The following ACP6 variants were observed in gnomAD, a reference collection of about 807,000 sequenced individuals.
ACP6 encodes acid phosphatase 6, lysophosphatidic, also known as lysophosphatidic acid phosphatase type 6.
A neutral mutation model predicts 48.1 loss-of-function variants in ACP6; 48 were observed. The observed-to-expected ratio is 1.00, with a 90% confidence interval of 0.79 to 1.27. The LOEUF (loss-of-function observed/expected upper bound fraction) is 1.27, where lower values mean the gene tolerates loss of function less well. ACP6 is among the 50% of genes most tolerant of loss of function. ACP6 has a pLI of 0.00. For synonymous variants in ACP6, 172 were observed against 204.2 expected (o/e 0.84, Z 1.34); for missense variants, 485 against 529.1 (o/e 0.92, Z 0.82).
chr1:147,648,344 C>A lies in ACP6; in HGVS notation c.1045G>T (p.Asp349Tyr). 1.9e-6 allele frequency: 3 copies of A among 1,614,076 alleles called. No individual in the cohort carries two copies. Among genetic ancestry groups the A allele is most frequent in the Non-Finnish European group, 2.5e-6 (3 of 1,180,008 alleles). Residue 349 changes from aspartate to tyrosine, a missense_variant, in exon 9 of 10, where the codon GAC becomes TAC. Asp to Tyr is a radical substitution (Grantham distance 160, BLOSUM62 -3). Coordinates refer to ENST00000583509, the MANE Select transcript of ACP6 (RefSeq NM_016361.5). ...ACAGCAAACGGTGGCCATTTGTGGT[C>A]AAAAATCCCCAGGGTCATTAAGAGC... is the stretch of plus-strand genomic sequence containing the variant. ...IPLLMTLGIF[D>Y]HKWPPFAVDL...
At chr1:147,653,137 G>GTTTT (rs782306664) in intron 6 of ACP6, among the ~76,000 whole-genome samples, 80 of 148,798 alleles carry the variant, frequency 5.4e-4, no homozygotes, top group Non-Finnish European at 7.6e-4. Context: ...TGTTTTACTG[G>GTTTT]TTTTTTTTTT....
chr1:147,647,700 C>A, intron 9 of ACP6, 134 bp from the exon 10 acceptor site: 1 of 1,178,812 alleles, frequency 8.5e-7, no homozygotes, highest in South Asian at 1.6e-5. Context: ...AGGAAGGCCC[C>A]ACTACCCGGT....
chr1:147,630,356 C>T (rs2297961), exon 6 of ACP6: 19,955 of 152,224 alleles, frequency 0.13, 1,488 homozygotes, highest in East Asian at 0.33. Context: ...AAACAGCTTA[C>T]AAATCTCAGT....
At chr1:147,639,701 C>T (rs1207326754), downstream of ACP6, among the ~76,000 whole-genome samples, 1 of 152,084 alleles carries the variant, frequency 6.6e-6, no homozygotes, top group African/African-American at 2.4e-5. Flanking sequence ...TGTTATTTCA[C>T]ACTCTATTTC....
intron 5 of ACP6, among the ~76,000 whole-genome samples, chr1:147,634,281 G>GT (rs1330170905): frequency 6.6e-6 from 1 of 152,060 alleles, no homozygotes; most frequent in Non-Finnish European, 1.5e-5. Context: ...TCCTTGGCCC[G>GT]TTTTTTGATG....
chr1:147,652,854 TC>T (rs1355463196), intron 6 of ACP6, among the ~76,000 whole-genome samples: 1 of 150,998 alleles, frequency 6.6e-6, no homozygotes, highest in Non-Finnish European at 1.5e-5. Flanking sequence ...TGAGACGGAG[TC>T]CCGCTCTGTC....
At chr1:147,665,397 A>G (rs1316234281) in intron 1 of ACP6, among the ~76,000 whole-genome samples, 1 of 152,208 alleles carries the variant, frequency 6.6e-6, no homozygotes, top group East Asian at 1.9e-4. Context: ...TTATGTGGGG[A>G]CTGTGTTGGT....
intron 1 of ACP6, among the ~76,000 whole-genome samples, chr1:147,660,282 T>C (rs1376054468): frequency 6.6e-6 from 1 of 152,314 alleles, no homozygotes; most frequent in African/African-American, 2.4e-5. Flanking sequence ...TCAGAAGATG[T>C]TGCTTTTTCA....
chr1:147,642,711 C>T lies in ACP6; in HGVS notation c.*4712G>A, dbSNP rs1026835564. On this transcript the variant is annotated 3_prime_UTR_variant, in exon 10 of 10. Transcript: ENST00000583509. ...GCACTGGCATGCACTAGGCACTATTCCAGGTGCTGGGGACACATCAGTGAA... is the reference window on the plus strand; with the variant it reads ...GCACTGGCATGCACTAGGCACTATTTCAGGTGCTGGGGACACATCAGTGAA... 17 of 152,168 alleles carry T rather than the reference C, an allele frequency of 1.1e-4. No homozygotes were observed. The highest frequency in any genetic ancestry group is 4.1e-4 in the African/African-American group (17 of 41,422). 9.4% of individuals were successfully genotyped at this position (152,168 alleles called of 1,614,324 possible).
intron 4 of ACP6, among the ~76,000 whole-genome samples, chr1:147,658,660 T>G (rs191442322): frequency 6.6e-6 from 1 of 152,178 alleles, no homozygotes; most frequent in Non-Finnish European, 1.5e-5. Context: ...GCCCCCTCGA[T>G]TGTTCACAAA....
Position 147,652,589 on chromosome 1 carries a change from T to C in ACP6, c.781-40A>G, listed in dbSNP as rs147933345. ...TGTAGTTTTAGAAAAAAATGCTTCTTACCTACTGATTCTGGCAGCTGATCA... is the reference window on the plus strand; with the variant it reads ...TGTAGTTTTAGAAAAAAATGCTTCTCACCTACTGATTCTGGCAGCTGATCA... On this transcript the variant is annotated intron_variant, in intron 6 of 9. Coordinates refer to ENST00000583509, the MANE Select transcript of ACP6 (RefSeq NM_016361.5). The C allele has an allele frequency of 9.9e-4, 1,598 of 1,613,380 alleles. 16 individuals carry two copies. The African/African-American group carries it at 0.019, about 19-fold the overall frequency.
intron 1 of ACP6, among the ~76,000 whole-genome samples, chr1:147,665,832 C>G (rs1660766396): frequency 6.6e-6 from 1 of 152,174 alleles, no homozygotes; most frequent in African/African-American, 2.4e-5. Context: ...GATGATACAT[C>G]AGTTTCATAT....
chr1:147,641,650 G>T (rs770583107), downstream of ACP6, among the ~76,000 whole-genome samples: 201 of 152,334 alleles, frequency 1.3e-3, 1 homozygote, highest in Middle Eastern at 0.014. Context: ...GGACAGGTTA[G>T]GAATTTATGA....
intron 6 of ACP6, 32 bp downstream of exon 6, chr1:147,654,162 A>AT (rs1553211125): frequency 1.2e-6 from 2 of 1,608,736 alleles, no homozygotes; most frequent in East Asian, 4.5e-5. Flanking sequence ...CACCAAGGCT[A>AT]TTATCCCAGG....
intron 7 of ACP6, chr1:147,651,504 G>C (rs1553210532): frequency 8.5e-5 from 13 of 152,128 alleles, no homozygotes; most frequent in Non-Finnish European, 7.3e-5. Context: ...AAATATGTGT[G>C]TGTGTGTTGA....
rs922634421 is a variant in ACP6 at position 147,645,235 on chromosome 1, T to G, written c.*2188A>C. Reference sequence around the variant, plus strand: ...AAATTATAATAATTTTATAAAAATATAATAATTTTTGTATTTTTAGTAGAG... The same window carrying G: ...AAATTATAATAATTTTATAAAAATAGAATAATTTTTGTATTTTTAGTAGAG... On this transcript the variant is annotated 3_prime_UTR_variant, in exon 10 of 10. Coordinates refer to ENST00000583509, the MANE Select transcript of ACP6 (RefSeq NM_016361.5). 15 of 151,374 alleles carry G rather than the reference T, an allele frequency of 9.9e-5. No homozygotes were observed. Among genetic ancestry groups the G allele is most frequent in the Non-Finnish European group, 1.5e-4 (10 of 67,874 alleles). The allele number at this position is 151,374 out of a possible 1,614,324, so 9.4% of individuals were successfully genotyped here. A position where few individuals can be genotyped will look rare whatever the true frequency, so the allele number is the denominator to read the frequency against.
chr1:147,650,408 C>G, intron 7 of ACP6, 170 bp from the exon 8 acceptor site: 1 of 530,108 alleles, frequency 1.9e-6, no homozygotes, highest in Non-Finnish European at 3.3e-6. Flanking sequence ...CGAGTCCGGT[C>G]TTGGGGTCCT....
intron 5 of ACP6, among the ~76,000 whole-genome samples, chr1:147,633,200 A>C (rs12409268): frequency 0.21 from 31,467 of 152,108 alleles, 3,802 homozygotes; most frequent in African/African-American, 0.31. Context: ...TGTAGGAGTA[A>C]ATACAGAATA....
chr1:147,632,451 G>T (rs1659196205), intron 5 of ACP6, among the ~76,000 whole-genome samples: 1 of 152,090 alleles, frequency 6.6e-6, no homozygotes. Flanking sequence ...CATGCTGGTT[G>T]TGGTACATGA....
Sources: allele counts gnomAD v4.1 joint callset (sites outside exome capture counted in the v4.1 genomes callset), GRCh38; gene constraint gnomAD v4.1.1; transcripts MANE v1.5; gene names NCBI Gene and HGNC (gene_info 2026-07-23, HGNC 2026-07-21).